Variants in PARN observed in about 807,000 individuals in gnomAD.
PARN encodes poly(A)-specific ribonuclease PARN.
In PARN, 71 loss-of-function variants were observed where a neutral mutation model predicts 102.8. The observed-to-expected ratio is 0.69, with a 90% CI of 0.57 to 0.84. The LOEUF is 0.84. PARN is among the 40% of genes least tolerant of loss of function. The probability of loss-of-function intolerance (pLI) is 0.00; values close to 1 mark genes in which losing one functional copy is unlikely to be tolerated. For synonymous variants in PARN, 261 were observed against 252.9 expected (o/e 1.03, Z -0.30); for missense variants, 782 against 760.9 (o/e 1.03, Z -0.33).
chr16:14,500,999 A>G (rs1187425222), intron 21 of PARN, among the ~76,000 whole-genome samples: 2 of 152,226 alleles, frequency 1.3e-5, no homozygotes, highest in Non-Finnish European at 2.9e-5. Context: ...TGAGGCACCC[A>G]GGGAAATAGT....
At chr16:14,482,949 T>G in intron 21 of PARN, 122 bp from the exon 22 acceptor site, 2 of 675,092 alleles carry the variant, frequency 3.0e-6, no homozygotes, top group Non-Finnish European at 4.7e-6. Flanking sequence ...GGTCTGACCC[T>G]TGGCTCTGCC....
chr16:14,585,371 T>G (rs1023109710), intron 14 of PARN, among the ~76,000 whole-genome samples: 30 of 151,230 alleles, frequency 2.0e-4, no homozygotes, highest in Non-Finnish European at 3.1e-4. Flanking sequence ...TCTGTTTTTT[T>G]TTTTTTTTTT....
At chr16:14,556,240 C>T (rs577815588) in intron 18 of PARN, among the ~76,000 whole-genome samples, 1 of 152,124 alleles carries the variant, frequency 6.6e-6, no homozygotes, top group African/African-American at 2.4e-5. Flanking sequence ...CTCACTGCAA[C>T]CTCTGCCTCC....
intron 5 of PARN, among the ~76,000 whole-genome samples, chr16:14,626,680 C>A (rs957003110): frequency 6.6e-6 from 1 of 150,970 alleles, no homozygotes; most frequent in South Asian, 2.1e-4. Context: ...GGCGTGATCT[C>A]GGCTCACTGC....
At chr16:14,556,439 C>A (rs914195653) in intron 18 of PARN, among the ~76,000 whole-genome samples, 1 of 152,120 alleles carries the variant, frequency 6.6e-6, no homozygotes, top group South Asian at 2.1e-4. Context: ...CAATTACAGG[C>A]GTGAGCCACT....
intron 21 of PARN, among the ~76,000 whole-genome samples, chr16:14,522,450 G>A (rs1198974335): frequency 6.6e-6 from 1 of 152,236 alleles, no homozygotes; most frequent in Admixed American, 6.5e-5. Flanking sequence ...TGACGCAGGA[G>A]AATGGCTTGA....
chr16:14,573,100 T>C (rs116045542), intron 18 of PARN, among the ~76,000 whole-genome samples: 6,639 of 152,064 alleles, frequency 0.044, 164 homozygotes, highest in African/African-American at 0.053. Context: ...CCTGCCTGGT[T>C]TCAACTCCTG....
chr16:14,436,637 A>C lies in PARN; in HGVS notation c.*80T>G. 1 of 1,028,100 alleles carries C rather than the reference A, an allele frequency of 9.7e-7. No individual in the cohort carries two copies. Among genetic ancestry groups the C allele is most frequent in the Admixed American group, 2.0e-5 (1 of 49,432 alleles). The allele number at this position is 1,028,100 out of a possible 1,614,324, so 63.7% of individuals were successfully genotyped here. On this transcript the variant is annotated 3_prime_UTR_variant, in exon 24 of 24. Transcript: ENST00000437198. ...CCCATACCACATTTGATTAAGTTAA[A>C]TACAGTGCGGCTTCCAAATGTGCCA...
intron 22 of PARN, 26 bp from the exon 23 acceptor site, chr16:14,447,107 T>C (rs202160008): frequency 2.6e-6 from 4 of 1,554,032 alleles, no homozygotes; most frequent in Non-Finnish European, 1.8e-6. Flanking sequence ...TGGAACAACA[T>C]AAAAGGTGCT....
intron 13 of PARN, among the ~76,000 whole-genome samples, chr16:14,589,703 T>A (rs1040409899): frequency 6.6e-6 from 1 of 151,356 alleles, no homozygotes; most frequent in Non-Finnish European, 1.5e-5. Context: ...CCGTCTCTAC[T>A]AAAAATACAA....
intron 6 of PARN, among the ~76,000 whole-genome samples, chr16:14,616,959 CAG>C (rs1971941920): frequency 6.6e-6 from 1 of 151,718 alleles, no homozygotes; most frequent in East Asian, 1.9e-4. Context: ...TATATCACGC[CAG>C]TGGTAGAATA....
At chr16:14,532,408 T>C (rs1309095005) in intron 21 of PARN, among the ~76,000 whole-genome samples, 1 of 151,834 alleles carries the variant, frequency 6.6e-6, no homozygotes, top group African/African-American at 2.4e-5. Context: ...CAAGCATCTG[T>C]TTAACAAAGC....
intron 13 of PARN, among the ~76,000 whole-genome samples, chr16:14,586,797 G>A (rs189499137): frequency 5.3e-5 from 8 of 152,248 alleles, no homozygotes; most frequent in African/African-American, 1.9e-4. Flanking sequence ...CAGGAAATGG[G>A]CATACTGTAA....
At chr16:14,557,598 G>C (rs1967776709) in intron 18 of PARN, among the ~76,000 whole-genome samples, 1 of 148,620 alleles carries the variant, frequency 6.7e-6, no homozygotes. Context: ...GCAAAAGCTA[G>C]TTTACAAATG....
chr16:14,446,649 C>CA (rs1417256020), intron 23 of PARN, among the ~76,000 whole-genome samples: 1 of 152,080 alleles, frequency 6.6e-6, no homozygotes, highest in African/African-American at 2.4e-5. Context: ...GAGAGATTAC[C>CA]AAAATAGACT....
chr16:14,617,459 C>A (rs1161612779), intron 6 of PARN, 131 bp downstream of exon 6: 1 of 624,278 alleles, frequency 1.6e-6, no homozygotes, highest in Non-Finnish European at 2.9e-6. Context: ...ACTGGCTGCA[C>A]ATGTATGCTG....
chr16:14,626,774 G>A (rs937949274), intron 5 of PARN, among the ~76,000 whole-genome samples: 4 of 151,594 alleles, frequency 2.6e-5, no homozygotes, highest in Non-Finnish European at 4.4e-5. Context: ...GACCACACTC[G>A]GCAAATTTTT....
At chr16:14,606,015 T>G (rs1021096516) in intron 10 of PARN, among the ~76,000 whole-genome samples, 2 of 152,168 alleles carry the variant, frequency 1.3e-5, no homozygotes, top group African/African-American at 4.8e-5. Flanking sequence ...AGTCCCAATG[T>G]ACAGAAGAAA....
At chr16:14,627,383 C>T (rs1197084952) in intron 3 of PARN, 47 bp from the exon 4 acceptor site, 1 of 1,337,620 alleles carries the variant, frequency 7.5e-7, no homozygotes, top group Non-Finnish European at 1.1e-6. Context: ...CTGCATATTC[C>T]ATGTGAGCAT....
Sources: allele counts gnomAD v4.1 joint callset (sites outside exome capture counted in the v4.1 genomes callset), GRCh38; gene constraint gnomAD v4.1.1; transcripts MANE v1.5; gene names NCBI Gene and HGNC (gene_info 2026-07-23, HGNC 2026-07-21).